Variants in MIB1 observed in about 807,000 individuals in gnomAD.
The protein encoded by MIB1 is MIB E3 ubiquitin protein ligase 1.
Under a neutral mutation model 124.5 loss-of-function variants are expected in MIB1, and 278 were observed. The observed-to-expected ratio is 2.23, with a 90% confidence interval of 2.02 to 2.47. The LOEUF (loss-of-function observed/expected upper bound fraction) is 2.47, where lower values mean the gene tolerates loss of function less well. Among genes scored for constraint, MIB1 ranks in the 30% most tolerant of loss-of-function variants. The pLI is 0.00. For missense variants in MIB1, 957 were observed against 1,254.4 expected (o/e 0.76, Z 3.58); for synonymous variants, 446 against 429.4 (o/e 1.04, Z -0.48).
chr18:21,837,788 T>C (rs1321237173), intron 12 of MIB1, among the ~76,000 whole-genome samples: 2 of 152,248 alleles, frequency 1.3e-5, no homozygotes, highest in Non-Finnish European at 2.9e-5. Context: ...AAATGACATA[T>C]GTCAAGTTTT....
At chr18:21,748,716 C>A (rs919267516) in intron 1 of MIB1, among the ~76,000 whole-genome samples, 7 of 148,390 alleles carry the variant, frequency 4.7e-5, no homozygotes. Flanking sequence ...CAGCTGTGAG[C>A]CATCATGCCC....
intron 14 of MIB1, among the ~76,000 whole-genome samples, 163 bp downstream of exon 14, chr18:21,843,380 A>G (rs527893894): frequency 6.6e-6 from 1 of 152,380 alleles, no homozygotes; most frequent in Non-Finnish European, 1.5e-5. Flanking sequence ...GCCAAGACAG[A>G]TGAGACCATA....
chr18:21,745,758 A>G (rs1181934424), intron 1 of MIB1, among the ~76,000 whole-genome samples: 1 of 151,976 alleles, frequency 6.6e-6, no homozygotes, highest in Non-Finnish European at 1.5e-5. Flanking sequence ...CCAGGCTGGA[A>G]TGCAGTGGTG....
chr18:21,757,097 A>G (rs1462288096), intron 1 of MIB1, among the ~76,000 whole-genome samples: 4 of 151,876 alleles, frequency 2.6e-5, no homozygotes, highest in African/African-American at 9.7e-5. Flanking sequence ...AACTCTTACT[A>G]TGGTAAGAGT....
At chr18:21,738,676 A>C (rs1205620057), upstream of MIB1, among the ~76,000 whole-genome samples, 1 of 151,494 alleles carries the variant, frequency 6.6e-6, no homozygotes, top group Non-Finnish European at 1.5e-5. Flanking sequence ...GCATGGTGGC[A>C]GGCACCTGTG....
chr18:21,813,223 A>G (rs1184548253), intron 10 of MIB1, among the ~76,000 whole-genome samples: 2 of 151,826 alleles, frequency 1.3e-5, no homozygotes, highest in African/African-American at 4.8e-5. Flanking sequence ...AAAAACTGTA[A>G]CAGAAAAAAA....
chr18:21,730,435 G>A (rs560757986), intron 1 of MIB1, among the ~76,000 whole-genome samples: 3 of 152,276 alleles, frequency 2.0e-5, no homozygotes, highest in South Asian at 2.1e-4. Flanking sequence ...GGGTGTGGTG[G>A]TGTGCGCCTG....
At chr18:21,840,279 C>G (rs774680677) in intron 13 of MIB1, among the ~76,000 whole-genome samples, 1 of 151,656 alleles carries the variant, frequency 6.6e-6, no homozygotes, top group African/African-American at 2.4e-5. Context: ...TAAACAGCAA[C>G]TCAAATTAAG....
At chr18:21,800,538 G>A (rs921326725) in intron 9 of MIB1, among the ~76,000 whole-genome samples, 1 of 152,046 alleles carries the variant, frequency 6.6e-6, no homozygotes, top group African/African-American at 2.4e-5. Flanking sequence ...TTTTAAGTGG[G>A]CAGTTTTGAT....
rs769317918 is a variant in MIB1 at position 21,849,180 on chromosome 18, TA to T, written c.2394-15del. On this transcript the variant is annotated splice_polypyrimidine_tract_variant and intron_variant, in intron 16 of 20. Transcript: ENST00000261537. ...GTAATAAGATAGGCTTGATTTGAAATACTTTCTTTTATTAGTGGTCAAGTGG... is the reference window on the plus strand; with the variant it reads ...GTAATAAGATAGGCTTGATTTGAAATCTTTCTTTTATTAGTGGTCAAGTGG... The T allele has an allele frequency of 6.8e-7, 1 of 1,476,188 alleles. No homozygotes were observed. Among genetic ancestry groups the T allele is most frequent in the Non-Finnish European group, 9.1e-7 (1 of 1,096,998 alleles). 91.4% of individuals were successfully genotyped at this position (1,476,188 alleles called of 1,614,324 possible).
chr18:21,742,841 A>G (rs1437170298), intron 1 of MIB1, among the ~76,000 whole-genome samples: 1 of 152,242 alleles, frequency 6.6e-6, no homozygotes, highest in Non-Finnish European at 1.5e-5. Context: ...ATGGGCTCAC[A>G]GTTATTATCA....
At chr18:21,781,365 T>TTATATATATATATATATATA (rs57641355) in intron 6 of MIB1, among the ~76,000 whole-genome samples, 1 of 67,254 alleles carries the variant, frequency 1.5e-5, no homozygotes, top group Non-Finnish European at 3.3e-5. Context: ...TCTGTTCAAG[T>TTATATATATATATATATATA]TATATATATA....
At chr18:21,822,006 G>A (rs2041883625) in intron 12 of MIB1, among the ~76,000 whole-genome samples, 1 of 152,094 alleles carries the variant, frequency 6.6e-6, no homozygotes, top group African/African-American at 2.4e-5. Context: ...ATATTCATCT[G>A]TTCATCCTAC....
At chr18:21,751,661 TG>T (rs1015390120) in intron 1 of MIB1, among the ~76,000 whole-genome samples, 24 of 152,118 alleles carry the variant, frequency 1.6e-4, no homozygotes, top group Non-Finnish European at 2.6e-4. Context: ...CTCATTTTAT[TG>T]GGGGAAAAAT....
At chr18:21,772,527 A>G (rs1643780275) in intron 3 of MIB1, among the ~76,000 whole-genome samples, 2 of 152,210 alleles carry the variant, frequency 1.3e-5, no homozygotes, top group South Asian at 4.1e-4. Context: ...AGAATTTCAG[A>G]TTTTTGGATT....
intron 1 of MIB1, among the ~76,000 whole-genome samples, chr18:21,760,339 C>T (rs2041083978): frequency 6.6e-6 from 1 of 152,134 alleles, no homozygotes; most frequent in Non-Finnish European, 1.5e-5. Flanking sequence ...AATGCCCTTT[C>T]TTCTGTTTTA....
At chr18:21,733,924 C>G (rs558818928) in intron 1 of MIB1, among the ~76,000 whole-genome samples, 5 of 151,862 alleles carry the variant, frequency 3.3e-5, no homozygotes, top group African/African-American at 9.7e-5. Context: ...AGGCTGGTCT[C>G]GAACTCCTGA....
At chr18:21,784,475 G>A (rs2041410715) in intron 6 of MIB1, among the ~76,000 whole-genome samples, 2 of 152,180 alleles carry the variant, frequency 1.3e-5, no homozygotes, top group Admixed American at 1.3e-4. Context: ...GAGGGCACAA[G>A]CTGTTCCAGT....
At chr18:21,810,673 A>G (rs1288968985) in intron 10 of MIB1, among the ~76,000 whole-genome samples, 5 of 151,756 alleles carry the variant, frequency 3.3e-5, no homozygotes, top group African/African-American at 1.2e-4. Flanking sequence ...GGGCAACTAG[A>G]TATTCATATG....
Sources: allele counts gnomAD v4.1 joint callset (sites outside exome capture counted in the v4.1 genomes callset), GRCh38; gene constraint gnomAD v4.1.1; transcripts MANE v1.5; gene names NCBI Gene and HGNC (gene_info 2026-07-23, HGNC 2026-07-21).